The following RSPH6A variants were observed in gnomAD, a reference collection of about 807,000 sequenced individuals.
RSPH6A encodes the protein radial spoke head 6 homolog A.
Under a neutral mutation model 66.1 loss-of-function variants are expected in RSPH6A, and 49 were observed. The observed-to-expected ratio is 0.74, with a 90% CI of 0.59 to 0.94. The LOEUF (loss-of-function observed/expected upper bound fraction) is 0.94. Ranked by LOEUF, RSPH6A falls within the 40% of genes least tolerant of loss-of-function variation. RSPH6A has a pLI of 0.00. For missense variants in RSPH6A, 977 were observed against 948.3 expected (o/e 1.03, Z -0.40); for synonymous variants, 419 against 402.4 (o/e 1.04, Z -0.49).
At chr19:45,808,258 C>T (rs1440066833) in intron 2 of RSPH6A, among the ~76,000 whole-genome samples, 1 of 152,188 alleles carries the variant, frequency 6.6e-6, no homozygotes, top group Non-Finnish European at 1.5e-5. Context: ...AAAATCCTGT[C>T]TCTACTAAAA....
At chr19:45,813,578 C>G (rs982942036) in intron 1 of RSPH6A, among the ~76,000 whole-genome samples, 4 of 152,220 alleles carry the variant, frequency 2.6e-5, no homozygotes, top group Non-Finnish European at 5.9e-5. Flanking sequence ...CTCCTGACCT[C>G]AGGTGATCCG....
At position 45,804,280 on chromosome 19, in the gene RSPH6A, A is replaced by C; in HGVS notation, c.1625T>G (p.Val542Gly). ...LELVDSMANW[V>G]HHTQHILPQG... ...CGGCAGGATGTGCTGTGTGTGATGCACCCAGTTGGCCATGGAGTCGACCAG... is the reference window on the plus strand; with the variant it reads ...CGGCAGGATGTGCTGTGTGTGATGCCCCCAGTTGGCCATGGAGTCGACCAG... Residue 542 changes from valine to glycine, a missense_variant, in exon 3 of 6, where the codon GTG becomes GGG. Transcript: ENST00000221538. The surrounding 1 kb of genome is among the most constrained non-coding windows in gnomAD (Gnocchi z 5.8). The C allele has an allele frequency of 1.2e-6, 2 of 1,613,304 alleles. No homozygotes were observed. Among genetic ancestry groups the C allele is most frequent in the Non-Finnish European group, 1.7e-6 (2 of 1,179,622 alleles).
At position 45,802,044 on chromosome 19, in the gene RSPH6A, C is replaced by T. The variant is rs375427997; in HGVS notation, c.1798+76G>A. ...AGGGAAGGACCGGGGAGATGGACCC[C>T]AGCAGTCCAGCCACCCCTCCCTTTC... On this transcript the variant is annotated intron_variant, in intron 4 of 5. Transcript: ENST00000221538. 26 of 1,322,676 alleles carry T rather than the reference C, an allele frequency of 2.0e-5. No individual in the cohort carries two copies. The Middle Eastern group carries it at 8.1e-4, about 41-fold the overall frequency. The allele number at this position is 1,322,676 out of a possible 1,614,324, so 81.9% of individuals were successfully genotyped here.
intron 2 of RSPH6A, among the ~76,000 whole-genome samples, chr19:45,810,075 G>A (rs753440506): frequency 4.6e-5 from 7 of 152,200 alleles, no homozygotes; most frequent in Non-Finnish European, 8.8e-5. Context: ...TTGGGAGGCC[G>A]AGGCAGGAGG....
chr19:45,812,464 T>C (rs1457010554), intron 1 of RSPH6A, among the ~76,000 whole-genome samples: 2 of 152,062 alleles, frequency 1.3e-5, no homozygotes, highest in African/African-American at 2.4e-5. Context: ...GGAAGCTGTT[T>C]TGTTGGCAGT....
intron 3 of RSPH6A, among the ~76,000 whole-genome samples, chr19:45,803,592 G>A (rs374346421): frequency 4.0e-5 from 6 of 151,636 alleles, no homozygotes; most frequent in East Asian, 3.9e-4. Context: ...GGGAGAATTC[G>A]CTTGAACTAG....
intron 1 of RSPH6A, among the ~76,000 whole-genome samples, chr19:45,811,789 T>C (rs1568601737): frequency 1.5e-5 from 2 of 134,050 alleles, no homozygotes; most frequent in South Asian, 4.8e-4. Context: ...TTATTATTAT[T>C]AGAGACAGAG....
At chr19:45,801,036 G>A (rs1970467814) in intron 4 of RSPH6A, among the ~76,000 whole-genome samples, 1 of 152,122 alleles carries the variant, frequency 6.6e-6, no homozygotes, top group Admixed American at 6.6e-5. Context: ...GACCTCAGGT[G>A]ATCCACCCGC....
intron 5 of RSPH6A, among the ~76,000 whole-genome samples, chr19:45,798,137 G>A (rs1308878304): frequency 1.3e-5 from 2 of 151,962 alleles, no homozygotes; most frequent in African/African-American, 4.8e-5. Context: ...GAGGTGGGTG[G>A]ATCACCTGGT....
rs377396800 is a variant in RSPH6A at position 45,814,521 on chromosome 19, G to A, written c.650+6C>T. 2.0e-6 allele frequency: 3 copies of A among 1,495,610 alleles called. No homozygotes were observed. The African/African-American group carries it at 4.2e-5, about 21-fold the overall frequency. 92.6% of individuals were successfully genotyped at this position (1,495,610 alleles called of 1,614,324 possible). A position where few individuals can be genotyped will look rare whatever the true frequency, so the allele number is the denominator to read the frequency against. On this transcript the variant is annotated splice_donor_region_variant and intron_variant, in intron 1 of 5. Transcript: ENST00000221538. Reference sequence around the variant, plus strand: ...CCCACCCGCCCCACTCCTAGCCCCTGCTCACAGGCTGAGGTCGCAATTGAT... The same window carrying A: ...CCCACCCGCCCCACTCCTAGCCCCTACTCACAGGCTGAGGTCGCAATTGAT...
chr19:45,800,765 CA>C, intron 4 of RSPH6A, among the ~76,000 whole-genome samples: 1 of 120,098 alleles, frequency 8.3e-6, no homozygotes, highest in Non-Finnish European at 1.9e-5. Context: ...CACACACACA[CA>C]CACACACACT....
rs769052549 is a variant in RSPH6A, at chr19:45,804,430, G to A, written c.1475C>T (p.Thr492Met). The change falls in exon 3 of 6, where the codon ACG becomes ATG. Residue 492 changes from threonine (T) to methionine (M), a missense_variant. Coordinates refer to ENST00000221538, the MANE Select transcript of RSPH6A (RefSeq NM_030785.4). This position sits in a 1 kb window ranked among gnomAD's most constrained non-coding sequence, Gnocchi z 5.8. ...GTAGAAGCCCAGCGGGCTGACCTGC[G>A]TGGCGGCCGAGATGCGGGCTATCTG... is the stretch of plus-strand genomic sequence containing the variant. ...RAQIARISAATQVSPLGFYQF... is the reference protein window; with the variant it reads ...RAQIARISAAMQVSPLGFYQF... The A allele has an allele frequency of 5.0e-6, 8 of 1,613,834 alleles. No individual in the cohort carries two copies. The highest frequency in any genetic ancestry group is 4.4e-5 in the South Asian group (4 of 91,076).
At chr19:45,810,881 C>T (rs1230512078) in intron 1 of RSPH6A, 41 bp from the exon 2 acceptor site, 17 of 1,529,924 alleles carry the variant, frequency 1.1e-5, no homozygotes, top group Non-Finnish European at 1.5e-5. Flanking sequence ...GGACCTCACT[C>T]ACTCAGCTCA....
In RSPH6A at chr19:45,795,907, C is replaced by CCTCCTCCTCCTCCTCGCA. The variant is rs766967882; in HGVS notation, c.2115_2116insTGCGAGGAGGAGGAGGAG (p.Glu705_Gly706insCysGluGluGluGluGlu). On this transcript the variant is annotated inframe_insertion, in exon 6 of 6. Transcript: ENST00000221538. ...TCCTCGCCCTCCTCCTCCTCCTCGC[C>CCTCCTCCTCCTCCTCGCA]CTCCTCCTCCTCCTCTGTGGCTCCC... 13 of 1,474,636 alleles carry CCTCCTCCTCCTCCTCGCA rather than the reference C, an allele frequency of 8.8e-6. No homozygotes were observed. The South Asian group carries it at 1.7e-4, about 20-fold the overall frequency. The allele number at this position is 1,474,636 out of a possible 1,614,324, so 91.3% of individuals were successfully genotyped here. A position where few individuals can be genotyped will look rare whatever the true frequency, so the allele number is the denominator to read the frequency against.
At position 45,815,115 on chromosome 19, in the gene RSPH6A, G is replaced by A. The variant is rs1252125268; in HGVS notation, c.62C>T (p.Ser21Phe). The A allele has an allele frequency of 6.2e-7, 1 of 1,612,514 alleles. No individual in the cohort carries two copies. Among genetic ancestry groups the A allele is most frequent in the Admixed American group, 1.7e-5 (1 of 60,012 alleles). ...PAQQPPGRRT[S>F]QASQRRHSRD... ...ACTGTGCCGCCTCTGGGAGGCCTGAGAAGTCCTCCGGCCCGGAGGCTGCTG... is the reference window on the plus strand; with the variant it reads ...ACTGTGCCGCCTCTGGGAGGCCTGAAAAGTCCTCCGGCCCGGAGGCTGCTG... Residue 21 changes from serine to phenylalanine, a missense_variant, in exon 1 of 6, where the codon TCT becomes TTT. Ser to Phe is a radical substitution (Grantham distance 155). Transcript: ENST00000221538.
In RSPH6A at chr19:45,804,799, GCCT is replaced by G. The variant is rs763384163; in HGVS notation, c.1103_1105del (p.Glu368del). On this transcript the variant is annotated inframe_deletion, in exon 3 of 6. Coordinates refer to ENST00000221538, the MANE Select transcript of RSPH6A (RefSeq NM_030785.4). This position sits in a 1 kb window ranked among gnomAD's most constrained non-coding sequence, Gnocchi z 5.8. ...CATCTCCTCCACCTCCTCCTCCTCT[GCCT>G]CCTCCTCGCCCTCCCGGAATTCCAC... 3 of 1,612,936 alleles carry G rather than the reference GCCT, an allele frequency of 1.9e-6. No individual in the cohort carries two copies. Among genetic ancestry groups the G allele is most frequent in the Non-Finnish European group, 2.5e-6 (3 of 1,179,630 alleles).
chr19:45,813,480 A>G (rs1051662534), intron 1 of RSPH6A, among the ~76,000 whole-genome samples: 2 of 151,942 alleles, frequency 1.3e-5, no homozygotes, highest in Non-Finnish European at 2.9e-5. Context: ...AGGAGCTGGG[A>G]TTACAGGCCC....
intron 5 of RSPH6A, among the ~76,000 whole-genome samples, chr19:45,799,159 G>A (rs377447849): frequency 3.9e-5 from 6 of 152,348 alleles, no homozygotes; most frequent in African/African-American, 1.4e-4. Flanking sequence ...TACAGTCCCA[G>A]TTCACATTGA....
At position 45,815,258 on chromosome 19, in the gene RSPH6A, GT is replaced by G; in HGVS notation, c.-83del. On this transcript the variant is annotated 5_prime_UTR_variant, in exon 1 of 6. Transcript: ENST00000221538. ...CGAGAGCCACCTGTCGACACCGCCG[GT>G]TTCTGAGCACCGAGAGAGGGGGCCG... The G allele has an allele frequency of 7.2e-7, 1 of 1,391,650 alleles. No homozygotes were observed. Among genetic ancestry groups the G allele is most frequent in the Non-Finnish European group, 9.5e-7 (1 of 1,053,422 alleles). The allele number at this position is 1,391,650 out of a possible 1,614,324, so 86.2% of individuals were successfully genotyped here.
Sources: allele counts gnomAD v4.1 joint callset (sites outside exome capture counted in the v4.1 genomes callset), GRCh38; gene constraint gnomAD v4.1.1; non-coding constraint Gnocchi (gnomAD v3.1); transcripts MANE v1.5; gene names NCBI Gene and HGNC (gene_info 2026-07-23, HGNC 2026-07-21).